KCNIP4: variants seen among roughly 807,000 people sequenced by gnomAD.
The protein encoded by KCNIP4 is potassium voltage-gated channel interacting protein 4.
Under a neutral mutation model 34.0 loss-of-function variants are expected in KCNIP4, and 12 were observed. The observed-to-expected ratio is 0.35, with a 90% CI of 0.23 to 0.57. The LOEUF (loss-of-function observed/expected upper bound fraction) is 0.57, where lower values mean the gene tolerates loss of function less well. Among genes scored for constraint, KCNIP4 ranks in the 20% least tolerant of loss-of-function variants. KCNIP4 has a pLI of 0.83. For synonymous variants in KCNIP4, 124 were observed against 102.2 expected, an observed-to-expected ratio of 1.21 and a Z score of -1.29; for missense variants, 238 against 311.7, an observed-to-expected ratio of 0.76 and a Z score of 1.78.
chr4:21,637,200 G>A (rs763191972), intron 1 of KCNIP4, among the ~76,000 whole-genome samples: 3 of 152,166 alleles, frequency 2.0e-5, no homozygotes, highest in Non-Finnish European at 2.9e-5. Flanking sequence ...CTTTATATCC[G>A]TTTTAATTCT....
chr4:21,577,439 G>A (rs1173135291), intron 1 of KCNIP4, among the ~76,000 whole-genome samples: 2 of 152,132 alleles, frequency 1.3e-5, no homozygotes, highest in African/African-American at 4.8e-5. Flanking sequence ...AGACCAGCCT[G>A]GCCAATATAG....
At chr4:21,732,583 G>A (rs1278865560) in intron 1 of KCNIP4, among the ~76,000 whole-genome samples, 3 of 152,096 alleles carry the variant, frequency 2.0e-5, no homozygotes, top group Admixed American at 6.6e-5. Context: ...CACAACTTGG[G>A]GGCATCCTAC....
At chr4:21,393,463 C>A (rs145978084) in intron 1 of KCNIP4, among the ~76,000 whole-genome samples, 26 of 152,144 alleles carry the variant, frequency 1.7e-4, no homozygotes, top group South Asian at 4.2e-4. Flanking sequence ...TGGCACCACC[C>A]ATTTTCAGAA....
chr4:20,939,956 C>T (rs1731474430), intron 1 of KCNIP4, among the ~76,000 whole-genome samples: 1 of 152,178 alleles, frequency 6.6e-6, no homozygotes, highest in Admixed American at 6.5e-5. Flanking sequence ...CCTTATTCTT[C>T]TCATATGTAA....
intron 3 of KCNIP4, among the ~76,000 whole-genome samples, chr4:20,797,877 A>AG (rs1713686200): frequency 6.6e-6 from 1 of 152,206 alleles, no homozygotes; most frequent in South Asian, 2.1e-4. Flanking sequence ...AGCTTTGCCT[A>AG]TACCTGGATT....
At chr4:20,983,042 AAT>A (rs1377643955) in intron 1 of KCNIP4, among the ~76,000 whole-genome samples, 1 of 152,242 alleles carries the variant, frequency 6.6e-6, no homozygotes, top group Non-Finnish European at 1.5e-5. Flanking sequence ...TTTCATAAAC[AAT>A]ATGTGTGTGT....
chr4:21,934,332 G>A (rs1729731339), intron 1 of KCNIP4, among the ~76,000 whole-genome samples: 1 of 151,922 alleles, frequency 6.6e-6, no homozygotes, highest in Non-Finnish European at 1.5e-5. Context: ...AGCTCAGGGA[G>A]GCCCTGCAGG....
chr4:21,726,647 C>T (rs527751655), intron 1 of KCNIP4, among the ~76,000 whole-genome samples: 14 of 152,284 alleles, frequency 9.2e-5, no homozygotes, highest in Admixed American at 3.3e-4. Context: ...ACCCTTATCT[C>T]CTCATGTTTT....
At chr4:20,981,837 G>A (rs1030736189) in intron 1 of KCNIP4, among the ~76,000 whole-genome samples, 2 of 152,154 alleles carry the variant, frequency 1.3e-5, no homozygotes, top group Admixed American at 6.5e-5. Flanking sequence ...AAATATTTAT[G>A]TACATCTCTA....
At chr4:21,823,866 A>T (rs181034845) in intron 1 of KCNIP4, among the ~76,000 whole-genome samples, 60 of 152,294 alleles carry the variant, frequency 3.9e-4, no homozygotes, top group African/African-American at 1.4e-3. Flanking sequence ...TCCTGTATAA[A>T]CACCCCTCTA....
At chr4:21,498,048 A>G (rs1158917758) in intron 1 of KCNIP4, among the ~76,000 whole-genome samples, 1 of 152,188 alleles carries the variant, frequency 6.6e-6, no homozygotes, top group Non-Finnish European at 1.5e-5. Flanking sequence ...CCTGGCTTCA[A>G]ATCTTGACTT....
At chr4:21,082,975 A>T (rs1028153190) in intron 1 of KCNIP4, among the ~76,000 whole-genome samples, 1 of 151,824 alleles carries the variant, frequency 6.6e-6, no homozygotes, top group Non-Finnish European at 1.5e-5. Context: ...TCTGTATTTT[A>T]GGTCTTATCA....
intron 1 of KCNIP4, among the ~76,000 whole-genome samples, chr4:21,117,740 C>T (rs1042465556): frequency 1.3e-5 from 2 of 152,036 alleles, no homozygotes; most frequent in Non-Finnish European, 2.9e-5. Context: ...TGTTTTATGT[C>T]CTCCAATTCC....
intron 1 of KCNIP4, among the ~76,000 whole-genome samples, chr4:21,835,141 A>G (rs1390032485): frequency 1.3e-5 from 2 of 152,078 alleles, no homozygotes. Flanking sequence ...GTTTCACCCT[A>G]CCTTACAGTA....
In KCNIP4 at chr4:20,845,837, T is replaced by G. The variant is rs536172766; in HGVS notation, c.288+4706A>C. Among the ~76,000 whole-genome samples, 4 of 152,284 alleles carry G rather than the reference T, an allele frequency of 2.6e-5. No homozygotes were observed. In the East Asian group the frequency reaches 7.7e-4, roughly 29 times the overall value. On this transcript the variant is annotated intron_variant, in intron 3 of 8. Coordinates refer to ENST00000382152, the MANE Select transcript of KCNIP4 (RefSeq NM_025221.6). Reference sequence around the variant, plus strand: ...TATGTGCAACCACAAAGAATTGAATTCTGCCAACAACCACAGGAGCTTAGA... The same window carrying G: ...TATGTGCAACCACAAAGAATTGAATGCTGCCAACAACCACAGGAGCTTAGA...
intron 1 of KCNIP4, among the ~76,000 whole-genome samples, chr4:21,257,463 G>A (rs1761134789): frequency 1.3e-5 from 2 of 151,994 alleles, no homozygotes; most frequent in African/African-American, 4.8e-5. Flanking sequence ...AGAAACTCTA[G>A]GCTGCGGGGC....
intron 1 of KCNIP4, among the ~76,000 whole-genome samples, chr4:21,519,686 A>G (rs561743730): frequency 0.022 from 3,025 of 135,364 alleles, 111 homozygotes; most frequent in East Asian, 0.051. Flanking sequence ...ATGTATGTGT[A>G]TATACACACG....
intron 1 of KCNIP4, among the ~76,000 whole-genome samples, chr4:21,471,082 G>A (rs982200105): frequency 3.9e-5 from 6 of 152,088 alleles, no homozygotes; most frequent in African/African-American, 1.4e-4. Flanking sequence ...AGAAATCTCT[G>A]TTTTAACAAG....
chr4:21,286,970 G>C (rs1184755044), intron 1 of KCNIP4, among the ~76,000 whole-genome samples: 2 of 152,066 alleles, frequency 1.3e-5, no homozygotes, highest in Admixed American at 6.6e-5. Context: ...ACAAAAGCAG[G>C]CTGTTTTGTT....
Sources: gnomAD v4.1 joint callset for allele counts (sites outside exome capture counted in the v4.1 genomes callset) on GRCh38, gnomAD v4.1.1 for gene constraint, MANE v1.5 for transcripts, NCBI Gene and HGNC (gene_info 2026-07-23, HGNC 2026-07-21) for gene names.